The following SYN1 variants were observed in gnomAD, a reference collection of about 807,000 sequenced individuals.
SYN1 encodes the protein synapsin-1.
Under a neutral mutation model 44.6 loss-of-function variants are expected in SYN1, and 8 were observed. The ratio of observed to expected loss-of-function variants is 0.18; its 90% CI spans 0.11 to 0.32. The LOEUF (loss-of-function observed/expected upper bound fraction) is 0.32, where lower values mean the gene tolerates loss of function less well. SYN1 is among the 10% of genes least tolerant of loss of function. The pLI, the probability that SYN1 is intolerant of heterozygous loss-of-function variation, is 1.00. For missense variants in SYN1, 451 were observed against 639.4 expected, an observed-to-expected ratio of 0.71 and a Z score of 3.18; for synonymous variants, 275 against 280.1, an observed-to-expected ratio of 0.98 and a Z score of 0.18.
chrX:47,579,139 G>A (rs1022623498), intron 5 of SYN1, among the ~76,000 whole-genome samples: 3 of 111,433 alleles, frequency 2.7e-5, no homozygotes, highest in Non-Finnish European at 5.7e-5. Flanking sequence ...GCACATGCTC[G>A]ACTCTTAGCA....
chrX:47,619,570 C>T lies in SYN1; in HGVS notation c.159G>A (p.Arg53=), dbSNP rs1462900929. ...TPGPGTATAE[R]SSGVAPAASP... is the part of the protein sequence containing the mutation. Reference sequence around the variant, plus strand: ...AGGCCGCTGGGGCGACCCCGGAGGACCTCTCGGCAGTGGCGGTCCCGGGAC... The same window carrying T: ...AGGCCGCTGGGGCGACCCCGGAGGATCTCTCGGCAGTGGCGGTCCCGGGAC... Residue 53 remains arginine (R), a synonymous_variant, in exon 1 of 13, where the codon AGG becomes AGA. Transcript: ENST00000295987. The T allele has an allele frequency of 8.5e-7, 1 of 1,173,419 alleles. No homozygotes were observed. Among genetic ancestry groups the T allele is most frequent in the Admixed American group, 2.4e-5 (1 of 41,079 alleles).
At chrX:47,609,946 G>A (rs1276579711) in intron 1 of SYN1, among the ~76,000 whole-genome samples, 1 of 111,631 alleles carries the variant, frequency 9.0e-6, no homozygotes, top group African/African-American at 3.3e-5. Context: ...GGAAGGGAAT[G>A]TACTGGATGG....
intron 5 of SYN1, chrX:47,585,265 G>A (rs1476457782): frequency 1.7e-6 from 2 of 1,207,841 alleles, no homozygotes; most frequent in Admixed American, 4.4e-5. Context: ...CTACACCCCC[G>A]CCATGGAGAG....
At position 47,586,827 on chromosome X, in the gene SYN1, G is replaced by A. The variant is rs903006631; in HGVS notation, c.775-9326C>T. 28 of 852,880 alleles carry A rather than the reference G, an allele frequency of 3.3e-5. 1 individual carries two copies. The highest frequency in any genetic ancestry group is 4.0e-5 in the Non-Finnish European group (25 of 625,283). The allele number at this position is 852,880 out of a possible 1,213,427, so 70.3% of individuals were successfully genotyped here. A position where few individuals can be genotyped will look rare whatever the true frequency, so the allele number is the denominator to read the frequency against. ...GTGTAGTGCCTGGGAACAAACCCATGTTGCTGATGACCTGGTGTGAGCACC... is the reference window on the plus strand; with the variant it reads ...GTGTAGTGCCTGGGAACAAACCCATATTGCTGATGACCTGGTGTGAGCACC... On this transcript the variant is annotated intron_variant, in intron 5 of 12. Coordinates refer to ENST00000295987, the MANE Select transcript of SYN1 (RefSeq NM_006950.3).
rs758848223 is a variant in SYN1, at chrX:47,607,021, G to T, written c.451C>A (p.Leu151Ile). ...IKVEQAEFSD[L>I]NLVAHANGGF... ...CCATTGGCATGGGCCACAAGGTTGA[G>T]ATCAGAGAATTCGGCCTGGGAAGGA... The change falls in exon 3 of 13, where the codon CTC becomes ATC. Residue 151 changes from leucine to isoleucine, a missense_variant. Physicochemically the swap from Leu to Ile is conservative, Grantham distance 5. This residue lies in a region of SYN1 where 315 missense variants were observed against 451.4 expected (regional missense o/e 0.70). Transcript: ENST00000295987. 8.3e-7 allele frequency: 1 copy of T among 1,211,296 alleles called. No homozygotes were observed. Among genetic ancestry groups the T allele is most frequent in the Non-Finnish European group, 1.1e-6 (1 of 895,303 alleles).
intron 5 of SYN1, among the ~76,000 whole-genome samples, chrX:47,592,519 A>T (rs1250667896): frequency 9.0e-6 from 1 of 110,626 alleles, no homozygotes; most frequent in Non-Finnish European, 1.9e-5. Flanking sequence ...CTATCAACTC[A>T]TTTAGCTCTA....
chrX:47,585,282 C>T (rs755568993), intron 5 of SYN1: 10 of 1,209,440 alleles, frequency 8.3e-6, no homozygotes, highest in East Asian at 5.9e-5. Flanking sequence ...AGAGTGTCTG[C>T]GGATACTTCC....
At chrX:47,585,235 G>A in intron 5 of SYN1, 1 of 1,201,104 alleles carries the variant, frequency 8.3e-7, no homozygotes, top group Non-Finnish European at 1.1e-6. Flanking sequence ...CTTAGGGGAT[G>A]CCGCTGACAT....
At chrX:47,596,329 C>G (rs924267159) in intron 5 of SYN1, among the ~76,000 whole-genome samples, 9 of 112,570 alleles carry the variant, frequency 8.0e-5, no homozygotes, top group African/African-American at 2.9e-4. Flanking sequence ...AAAGGAAAAT[C>G]TAGGTAATTA....
chrX:47,594,166 G>A (rs1447494994), intron 5 of SYN1, among the ~76,000 whole-genome samples: 2 of 109,291 alleles, frequency 1.8e-5, no homozygotes, highest in East Asian at 2.9e-4. Context: ...TCCAGGAGGC[G>A]GAGGTTGCAG....
chrX:47,573,859 G>A, intron 12 of SYN1, 143 bp downstream of exon 12: 2 of 513,873 alleles, frequency 3.9e-6, no homozygotes, highest in Non-Finnish European at 5.6e-6. Context: ...CTTGGGGGAA[G>A]GGCTTGGCTC....
intron 5 of SYN1, among the ~76,000 whole-genome samples, chrX:47,591,939 A>G (rs2057849334): frequency 8.9e-6 from 1 of 112,050 alleles, no homozygotes; most frequent in South Asian, 3.6e-4. Context: ...TACTTTGATC[A>G]TACACTAAAG....
At chrX:47,594,934 T>C (rs1401609578) in intron 5 of SYN1, among the ~76,000 whole-genome samples, 1 of 110,209 alleles carries the variant, frequency 9.1e-6, no homozygotes, top group Non-Finnish European at 1.9e-5. Context: ...TCCATGTTGG[T>C]CAGGCTGGTC....
chrX:47,578,040 A>G (rs1378529063), intron 5 of SYN1, among the ~76,000 whole-genome samples: 1 of 111,244 alleles, frequency 9.0e-6, no homozygotes, highest in Non-Finnish European at 1.9e-5. Context: ...ACTGACAGCC[A>G]ACACAGGCTC....
Position 47,605,325 on chromosome X carries a change from G to C in SYN1, c.582C>G (p.Arg194=). 5 of 1,211,284 alleles carry C rather than the reference G, an allele frequency of 4.1e-6. No individual in the cohort carries two copies. The highest frequency in any genetic ancestry group is 4.5e-6 in the Non-Finnish European group (4 of 895,225). The change falls in exon 4 of 13, where the codon CGC becomes CGG. Residue 194 remains arginine (R), a synonymous_variant. Transcript: ENST00000295987. The part of the protein sequence containing the change: ...LIRQHAFSMA[R]NGDYRSLVIG... ...TGACCAAACTGCGGTAGTCTCCGTT[G>C]CGTGCCATGCTGAAGGCGTGCTGGC...
intron 3 of SYN1, 44 bp from the exon 4 acceptor site, chrX:47,605,423 T>C (rs1260397086): frequency 1.7e-6 from 2 of 1,196,255 alleles, no homozygotes; most frequent in African/African-American, 3.5e-5. Flanking sequence ...CCCCAGAAGC[T>C]CCCAATCACT....
chrX:47,594,732 T>TC (rs1410066622), intron 5 of SYN1, among the ~76,000 whole-genome samples: 1 of 105,510 alleles, frequency 9.5e-6, no homozygotes, highest in East Asian at 2.9e-4. Flanking sequence ...TTCTTTTCTT[T>TC]TTTTTTTTTT....
intron 5 of SYN1, among the ~76,000 whole-genome samples, chrX:47,601,308 A>C (rs1433885401): frequency 8.9e-6 from 1 of 112,080 alleles, no homozygotes; most frequent in Non-Finnish European, 1.9e-5. Context: ...ATTCCTAGAA[A>C]GACACAAACT....
intron 5 of SYN1, among the ~76,000 whole-genome samples, chrX:47,603,906 A>ATTT (rs869237796): frequency 2.1e-5 from 2 of 94,788 alleles, no homozygotes; most frequent in Admixed American, 1.2e-4. Context: ...ATATATATAT[A>ATTT]TTTTTTTTTT....
Sources: gnomAD v4.1 joint callset for allele counts (sites outside exome capture counted in the v4.1 genomes callset) on GRCh38, gnomAD v4.1.1 for gene constraint, gnomAD v4.1.1 regional missense constraint, MANE v1.5 for transcripts, NCBI Gene and HGNC (gene_info 2026-07-23, HGNC 2026-07-21) for gene names.